The following ATRNL1 variants were observed in gnomAD, a reference collection of about 807,000 sequenced individuals.
ATRNL1 encodes the protein attractin-like protein 1.
Under a neutral mutation model 182.7 loss-of-function variants are expected in ATRNL1, and 95 were observed. The observed-to-expected ratio is 0.52, with a 90% CI of 0.44 to 0.62. ATRNL1 has a LOEUF of 0.62. Among genes scored for constraint, ATRNL1 ranks in the 20% least tolerant of loss-of-function variants. The probability of loss-of-function intolerance (pLI) is 0.00; values close to 1 mark genes in which losing one functional copy is unlikely to be tolerated. For synonymous variants in ATRNL1, 576 were observed against 568.3 expected, an observed-to-expected ratio of 1.01 and a Z score of -0.19; for missense variants, 1,471 against 1,679.5, an observed-to-expected ratio of 0.88 and a Z score of 2.17.
intron 9 of ATRNL1, among the ~76,000 whole-genome samples, chr10:115,224,092 C>T (rs1219599813): frequency 6.6e-6 from 1 of 151,046 alleles, no homozygotes; most frequent in Non-Finnish European, 1.5e-5. Context: ...TGTGCCACCA[C>T]GCCTGGCAAT....
chr10:115,195,437 T>C (rs1391128713), intron 8 of ATRNL1, among the ~76,000 whole-genome samples: 2 of 152,134 alleles, frequency 1.3e-5, no homozygotes, highest in Non-Finnish European at 2.9e-5. Context: ...CTCGCTCTCC[T>C]GGACTGCAAG....
At chr10:115,677,803 G>A (rs1945914423) in intron 26 of ATRNL1, among the ~76,000 whole-genome samples, 1 of 152,058 alleles carries the variant, frequency 6.6e-6, no homozygotes, top group South Asian at 2.1e-4. Context: ...CTATCTAGGT[G>A]ATGTTCCTCG....
rs550742959 is a variant in ATRNL1 at position 115,522,981 on chromosome 10, G to A, written c.3716+3657G>A. ...TGCTCTACTAGGCAATCCCTGGTGG[G>A]TACTCTCTTCAGGGCCTCCAACCGC... On this transcript the variant is annotated intron_variant, in intron 25 of 28. Transcript: ENST00000355044. 2.0e-5 allele frequency among the ~76,000 whole-genome samples: 3 copies of A among 152,294 alleles called. No individual in the cohort carries two copies. The South Asian group carries it at 6.2e-4, about 32-fold the overall frequency.
chr10:115,415,525 C>A (rs1845348015), intron 20 of ATRNL1, among the ~76,000 whole-genome samples: 4 of 150,866 alleles, frequency 2.7e-5, no homozygotes, highest in African/African-American at 9.7e-5. Context: ...TGCTATGCAG[C>A]TTTCTTAAGG....
intron 24 of ATRNL1, among the ~76,000 whole-genome samples, chr10:115,496,621 C>T (rs1265012077): frequency 1.3e-5 from 2 of 152,080 alleles, no homozygotes; most frequent in Admixed American, 6.6e-5. Context: ...TCTAACTTTT[C>T]GATGTGGACG....
chr10:115,704,774 T>C (rs1946845754), intron 26 of ATRNL1, among the ~76,000 whole-genome samples: 1 of 151,872 alleles, frequency 6.6e-6, no homozygotes, highest in Non-Finnish European at 1.5e-5. Context: ...GAAAGCAAAA[T>C]ATTGACTGTT....
chr10:115,652,856 T>C (rs560783561), intron 26 of ATRNL1, among the ~76,000 whole-genome samples: 18 of 152,270 alleles, frequency 1.2e-4, no homozygotes, highest in Admixed American at 6.5e-5. Context: ...TCATTTATTA[T>C]AGATGAATTA....
intron 24 of ATRNL1, among the ~76,000 whole-genome samples, chr10:115,491,614 C>T (rs1357667240): frequency 2.6e-5 from 4 of 152,130 alleles, no homozygotes; most frequent in Non-Finnish European, 5.9e-5. Context: ...GCTGGAGCAT[C>T]CCAGTTCAAC....
intron 26 of ATRNL1, among the ~76,000 whole-genome samples, chr10:115,668,884 G>T (rs1220605802): frequency 6.6e-6 from 1 of 151,994 alleles, no homozygotes; most frequent in Non-Finnish European, 1.5e-5. Flanking sequence ...TGATTACTCA[G>T]TGTTTTCAGG....
At chr10:115,697,035 A>G (rs887934809) in intron 26 of ATRNL1, among the ~76,000 whole-genome samples, 2 of 152,150 alleles carry the variant, frequency 1.3e-5, no homozygotes, top group African/African-American at 4.8e-5. Flanking sequence ...CTTCCTTGAC[A>G]TGTGGGGATT....
At chr10:115,910,175 A>G (rs1952630245) in intron 28 of ATRNL1, among the ~76,000 whole-genome samples, 1 of 152,140 alleles carries the variant, frequency 6.6e-6, no homozygotes. Context: ...AGTCACCTCC[A>G]TATGGAGGAA....
At chr10:115,573,225 G>A (rs1224127539) in intron 26 of ATRNL1, among the ~76,000 whole-genome samples, 2 of 152,134 alleles carry the variant, frequency 1.3e-5, no homozygotes, top group South Asian at 2.1e-4. Flanking sequence ...GCCGGAAGCA[G>A]GGATGGAGTG....
intron 1 of ATRNL1, among the ~76,000 whole-genome samples, chr10:115,107,769 A>G (rs1332999963): frequency 2.0e-5 from 3 of 152,226 alleles, no homozygotes; most frequent in African/African-American, 4.8e-5. Context: ...GATACCACCA[A>G]GGTTTATTTC....
At chr10:115,628,055 G>C (rs1382748101) in intron 26 of ATRNL1, among the ~76,000 whole-genome samples, 1 of 150,974 alleles carries the variant, frequency 6.6e-6, no homozygotes, top group Admixed American at 6.6e-5. Flanking sequence ...GCGGAGGCAG[G>C]AGAATTGCTT....
At chr10:115,789,532 G>A (rs564147184) in intron 27 of ATRNL1, among the ~76,000 whole-genome samples, 21 of 152,246 alleles carry the variant, frequency 1.4e-4, no homozygotes, top group African/African-American at 3.4e-4. Context: ...GCTCAACTGC[G>A]GGGGTTGTGC....
At chr10:115,340,706 C>T (rs1554938123) in intron 19 of ATRNL1, among the ~76,000 whole-genome samples, 1 of 151,464 alleles carries the variant, frequency 6.6e-6, no homozygotes, top group Non-Finnish European at 1.5e-5. Flanking sequence ...AATAACATTA[C>T]TTGTTATTGG....
intron 8 of ATRNL1, among the ~76,000 whole-genome samples, chr10:115,179,513 C>T (rs782564199): frequency 3.3e-5 from 5 of 152,054 alleles, no homozygotes; most frequent in Admixed American, 2.0e-4. Flanking sequence ...CAGGATATTG[C>T]CCTGGTCATA....
intron 11 of ATRNL1, 59 bp downstream of exon 11, chr10:115,265,336 A>G (rs1429364023): frequency 2.9e-6 from 3 of 1,030,750 alleles, no homozygotes; most frequent in Non-Finnish European, 2.9e-6. Context: ...TACTATCCTC[A>G]TATTCTGGTA....
At chr10:115,463,115 A>G (rs1278680528) in intron 22 of ATRNL1, among the ~76,000 whole-genome samples, 1 of 151,788 alleles carries the variant, frequency 6.6e-6, no homozygotes, top group Admixed American at 6.6e-5. Context: ...AGTAGGTGAA[A>G]TGTCTAAATA....
Sources: gnomAD v4.1 joint callset for allele counts (sites outside exome capture counted in the v4.1 genomes callset) on GRCh38, gnomAD v4.1.1 for gene constraint, MANE v1.5 for transcripts, NCBI Gene and HGNC (gene_info 2026-07-23, HGNC 2026-07-21) for gene names.